The following RRM1 variants were observed in gnomAD, a reference collection of about 807,000 sequenced individuals.
RRM1 encodes the protein ribonucleotide reductase catalytic subunit M1, also known as ribonucleoside-diphosphate reductase large subunit.
RRM1 carries 19 observed loss-of-function variants against 101.5 expected under a neutral mutation model. The ratio of observed to expected loss-of-function variants is 0.19; its 90% CI spans 0.13 to 0.27. The LOEUF (loss-of-function observed/expected upper bound fraction) is 0.27. Among genes scored for constraint, RRM1 ranks in the 10% least tolerant of loss-of-function variants. RRM1 has a pLI of 1.00. For missense variants in RRM1, 500 were observed against 962.9 expected, an observed-to-expected ratio of 0.52 and a Z score of 6.36; for synonymous variants, 298 against 323.4, an observed-to-expected ratio of 0.92 and a Z score of 0.84.
At chr11:4,115,913 C>T (rs1265989521) in intron 7 of RRM1, among the ~76,000 whole-genome samples, 1 of 152,090 alleles carries the variant, frequency 6.6e-6, no homozygotes, top group African/African-American at 2.4e-5. Flanking sequence ...GAGCAAAACA[C>T]CATAGAGCAA....
Position 4,111,592 on chromosome 11 carries a change from T to C in RRM1, c.448-9T>C. ...CTCTGAAAATTTTTTGTTGTTTCTC[T>C]CTTTCTAGACGCTAGAGCGGTCTTA... On this transcript the variant is annotated splice_polypyrimidine_tract_variant and intron_variant, in intron 5 of 18. Transcript: ENST00000300738. The C allele has an allele frequency of 6.3e-7, 1 of 1,591,796 alleles. No homozygotes were observed. Among genetic ancestry groups the C allele is most frequent in the South Asian group, 1.2e-5 (1 of 86,126 alleles).
chr11:4,134,965 G>T (rs1018433377), intron 17 of RRM1, 117 bp from the exon 18 acceptor site: 1 of 710,674 alleles, frequency 1.4e-6, no homozygotes, highest in Non-Finnish European at 2.3e-6. Context: ...ATACTGAATG[G>T]TAAGGTCAGA....
chr11:4,103,538 A>G (rs1193468113), intron 2 of RRM1, among the ~76,000 whole-genome samples: 1 of 152,144 alleles, frequency 6.6e-6, no homozygotes, highest in Non-Finnish European at 1.5e-5. Context: ...AGCATCCTCA[A>G]ACTTCCTAGG....
intron 1 of RRM1, among the ~76,000 whole-genome samples, chr11:4,098,657 A>G (rs1189206755): frequency 6.6e-6 from 1 of 152,220 alleles, no homozygotes; most frequent in African/African-American, 2.4e-5. Context: ...AGTTATTCAT[A>G]AAGCATTTAT....
Position 4,118,807 on chromosome 11 carries a change from C to T in RRM1, c.792+346C>T, listed in dbSNP as rs72555783. ...GGTACTCATTTGACCCTTACTACAA[C>T]GCTATGAGGTAACTATGATTATAGA... On this transcript the variant is annotated intron_variant, in intron 8 of 18. Transcript: ENST00000300738. Among the ~76,000 whole-genome samples, 481 of 152,250 alleles carry T rather than the reference C, an allele frequency of 3.2e-3. 8 individuals carry two copies. Among genetic ancestry groups the T allele is most frequent in the African/African-American group, 0.011 (445 of 41,542 alleles).
At chr11:4,127,911 C>T (rs1305256041) in intron 14 of RRM1, among the ~76,000 whole-genome samples, 1 of 152,106 alleles carries the variant, frequency 6.6e-6, no homozygotes, top group Non-Finnish European at 1.5e-5. Context: ...TTAGCTGGGC[C>T]TTCTTTTCTG....
chr11:4,126,898 A>G, intron 13 of RRM1, 65 bp downstream of exon 13: 2 of 1,470,422 alleles, frequency 1.4e-6, no homozygotes, highest in East Asian at 2.3e-5. Flanking sequence ...ATCAATCATG[A>G]TCTTCAAGTC....
chr11:4,119,034 T>C (rs554437499), intron 8 of RRM1: 2 of 152,466 alleles, frequency 1.3e-5, no homozygotes, highest in Non-Finnish European at 2.9e-5. Context: ...TACTGTTCAA[T>C]GGGAGTCAAG....
chr11:4,132,661 T>C lies in RRM1; in HGVS notation c.1905+240T>C, dbSNP rs34356743. Among the ~76,000 whole-genome samples, 59,202 of 152,102 alleles carry C rather than the reference T, an allele frequency of 0.39. 14,148 individuals are homozygous for C. Among genetic ancestry groups the C allele is most frequent in the Non-Finnish European group, 0.54 (36,362 of 67,954 alleles). ...GTCGAGTATGAAAGTAAGTTGTTGA[T>C]AGTTAAACATGATGTTTAACCATTA... is the stretch of plus-strand genomic sequence containing the variant. On this transcript the variant is annotated intron_variant, in intron 16 of 18. Transcript: ENST00000300738. This position sits in a 1 kb window ranked among gnomAD's most constrained non-coding sequence, Gnocchi z 4.1.
At chr11:4,131,058 C>T (rs2094599244) in intron 15 of RRM1, among the ~76,000 whole-genome samples, 1 of 152,182 alleles carries the variant, frequency 6.6e-6, no homozygotes, top group African/African-American at 2.4e-5. Flanking sequence ...AAAGAACTGC[C>T]TGAGACTGGG....
Position 4,110,910 on chromosome 11 carries a change from AGT to A in RRM1, c.448-688_448-687del, listed in dbSNP as rs374788917. ...TGAGGAGTCTTCAGGGGATTAAATG[AGT>A]GTAACGAGTGTATATGTTGCTTAGA... On this transcript the variant is annotated intron_variant, in intron 5 of 18. Coordinates refer to ENST00000300738, the MANE Select transcript of RRM1 (RefSeq NM_001033.5). 2.8e-4 allele frequency among the ~76,000 whole-genome samples: 43 copies of A among 152,076 alleles called. No individual in the cohort carries two copies. The East Asian group carries it at 3.7e-3, about 13-fold the overall frequency.
chr11:4,129,420 C>T (rs1342950622), intron 15 of RRM1, among the ~76,000 whole-genome samples: 1 of 151,898 alleles, frequency 6.6e-6, no homozygotes, highest in Non-Finnish European at 1.5e-5. Flanking sequence ...CTTAACACAC[C>T]TAGATTAGGT....
chr11:4,095,769 T>A (rs1042121873), intron 1 of RRM1, among the ~76,000 whole-genome samples: 2 of 152,124 alleles, frequency 1.3e-5, no homozygotes, highest in African/African-American at 4.8e-5. Flanking sequence ...AAGTGCCCGC[T>A]TTGTGCCCAG....
chr11:4,131,427 A>G (rs2094600121), intron 15 of RRM1, among the ~76,000 whole-genome samples: 1 of 152,206 alleles, frequency 6.6e-6, no homozygotes, highest in Non-Finnish European at 1.5e-5. Flanking sequence ...TATGCTAAGC[A>G]CTGTATGAAT....
chr11:4,110,445 G>A (rs998484674), intron 5 of RRM1, among the ~76,000 whole-genome samples: 2 of 152,110 alleles, frequency 1.3e-5, no homozygotes, highest in African/African-American at 2.4e-5. Flanking sequence ...GAGCCACTGC[G>A]GCCAATTTAG....
In RRM1 at chr11:4,130,087, T is replaced by TATATATATATATATATATATATATATA. The variant is rs869309117; in HGVS notation, c.1769+937_1769+938insATATATATATATATATATATATATATA. On this transcript the variant is annotated intron_variant, in intron 15 of 18. Coordinates refer to ENST00000300738, the MANE Select transcript of RRM1 (RefSeq NM_001033.5). ...GTATTTATATATATATATATATATATTTTTTTTTTTTTTTTTTCCCCTCAA... is the reference window on the plus strand; with the variant it reads ...GTATTTATATATATATATATATATATATATATATATATATATATATATATATATTTTTTTTTTTTTTTTTCCCCTCAA... Among the ~76,000 whole-genome samples the TATATATATATATATATATATATATATA allele has an allele frequency of 9.7e-5, 6 of 61,636 alleles. 1 individual carries two copies. Among genetic ancestry groups the TATATATATATATATATATATATATATA allele is most frequent in the African/African-American group, 3.9e-4 (5 of 12,798 alleles). 40.4% of individuals were successfully genotyped at this position (61,636 alleles called of 152,430 possible).
intron 12 of RRM1, among the ~76,000 whole-genome samples, chr11:4,124,920 AT>A (rs561272177): frequency 5.5e-4 from 46 of 83,634 alleles, no homozygotes; most frequent in Non-Finnish European, 6.5e-4. Context: ...TATTTATTTT[AT>A]TTTTTTTTTT....
At chr11:4,102,171 TA>T (rs1405766373) in intron 2 of RRM1, 90 bp downstream of exon 2, 1 of 718,036 alleles carries the variant, frequency 1.4e-6, no homozygotes, top group Non-Finnish European at 2.4e-6. Flanking sequence ...TCACCTGATA[TA>T]CTTTGGTATT....
In RRM1 at chr11:4,127,225, A is replaced by G. The variant is rs1474436253; in HGVS notation, c.1661A>G (p.Glu554Gly). Residue 554 changes from glutamate (E) to glycine (G), a missense_variant, in exon 14 of 19, where the codon GAA becomes GGA. By Grantham distance (98) the Glu-to-Gly change is moderately conservative. Transcript: ENST00000300738. ...CTTGCCAAGGAGCAGGGCCCATACGAAACCTATGAGGGCTCTCCAGTTAGC... is the reference window on the plus strand; with the variant it reads ...CTTGCCAAGGAGCAGGGCCCATACGGAACCTATGAGGGCTCTCCAGTTAGC... ...CDLAKEQGPY[E>G]TYEGSPVSKG... 1 of 1,605,144 alleles carries G rather than the reference A, an allele frequency of 6.2e-7. No homozygotes were observed. Among genetic ancestry groups the G allele is most frequent in the African/African-American group, 1.3e-5 (1 of 74,496 alleles).
Sources: gnomAD v4.1 joint callset for allele counts (sites outside exome capture counted in the v4.1 genomes callset) on GRCh38, gnomAD v4.1.1 for gene constraint, Gnocchi (gnomAD v3.1) non-coding constraint, MANE v1.5 for transcripts, NCBI Gene and HGNC (gene_info 2026-07-23, HGNC 2026-07-21) for gene names.